Variants in INPP5B observed in about 807,000 individuals in gnomAD.
The protein encoded by INPP5B is type II inositol 1,4,5-trisphosphate 5-phosphatase.
A neutral mutation model predicts 118.5 loss-of-function variants in INPP5B; 90 were observed. The observed-to-expected ratio is 0.76, with a 90% CI of 0.64 to 0.90. The LOEUF (loss-of-function observed/expected upper bound fraction) is 0.90, where lower values mean the gene tolerates loss of function less well. Ranked by LOEUF, INPP5B falls within the 40% of genes least tolerant of loss-of-function variation. INPP5B has a pLI of 0.00. For synonymous variants in INPP5B, 385 were observed against 418.9 expected, an observed-to-expected ratio of 0.92 and a Z score of 0.99; for missense variants, 984 against 1,125.6, an observed-to-expected ratio of 0.87 and a Z score of 1.80.
intron 7 of INPP5B, among the ~76,000 whole-genome samples, chr1:37,909,687 T>C (rs1644621367): frequency 6.6e-6 from 1 of 152,140 alleles, no homozygotes; most frequent in South Asian, 2.1e-4. Flanking sequence ...ACACATTTTA[T>C]TACCCAACCC....
chr1:37,872,921 AT>A lies in INPP5B; in HGVS notation c.2187+8del. 6.2e-7 allele frequency: 1 copy of A among 1,600,630 alleles called. No individual in the cohort carries two copies. The highest frequency in any genetic ancestry group is 8.6e-7 in the Non-Finnish European group (1 of 1,168,098). On this transcript the variant is annotated splice_region_variant and intron_variant, in intron 19 of 23. Coordinates refer to ENST00000373024, the MANE Select transcript of INPP5B (RefSeq NM_005540.3). The stretch of plus-strand genomic sequence containing the variant: ...AGTTCTAGATGTTTCTTTGTGGCAT[AT>A]TACTCACCAGCTCACTAATGGTTTC...
At chr1:37,895,203 C>A (rs1380481185) in intron 7 of INPP5B, among the ~76,000 whole-genome samples, 32 of 152,168 alleles carry the variant, frequency 2.1e-4, no homozygotes. Context: ...TGCAGAGGAG[C>A]CATGACTCTC....
chr1:37,925,359 A>C (rs1315439577), intron 7 of INPP5B, among the ~76,000 whole-genome samples: 3 of 152,156 alleles, frequency 2.0e-5, no homozygotes, highest in Non-Finnish European at 4.4e-5. Flanking sequence ...TGCTAGCTTC[A>C]GTTCATGTAT....
chr1:37,910,173 C>T (rs993697029), intron 7 of INPP5B, among the ~76,000 whole-genome samples: 2 of 152,196 alleles, frequency 1.3e-5, no homozygotes, highest in Non-Finnish European at 2.9e-5. Context: ...ATCACAGATG[C>T]TCTGGATAAC....
intron 7 of INPP5B, among the ~76,000 whole-genome samples, chr1:37,911,945 C>A (rs1425192760): frequency 6.6e-6 from 1 of 152,178 alleles, no homozygotes; most frequent in African/African-American, 2.4e-5. Flanking sequence ...GTACTTTGCC[C>A]TTCTCAGAAT....
rs77944515 is a variant in INPP5B at position 37,894,609 on chromosome 1, T to C, written c.533-3155A>G. On this transcript the variant is annotated intron_variant, in intron 7 of 23. Transcript: ENST00000373024. ...CAGGGTCTCGCTCTGTTGCCCAGGCTGGAGTGCAGTGGCGCAAGCTTGGCT... is the reference window on the plus strand; with the variant it reads ...CAGGGTCTCGCTCTGTTGCCCAGGCCGGAGTGCAGTGGCGCAAGCTTGGCT... Among the ~76,000 whole-genome samples the C allele has an allele frequency of 5.0e-3, 763 of 151,478 alleles. 5 individuals are homozygous for C. The highest frequency in any genetic ancestry group is 0.018 in the African/African-American group (724 of 41,184).
At chr1:37,874,372 T>C (rs1023300691) in intron 17 of INPP5B, among the ~76,000 whole-genome samples, 6 of 152,248 alleles carry the variant, frequency 3.9e-5, no homozygotes, top group Admixed American at 6.5e-5. Flanking sequence ...TTTGTATGTC[T>C]ACTTCCTGAA....
At chr1:37,894,761 A>G (rs1643961651) in intron 7 of INPP5B, among the ~76,000 whole-genome samples, 1 of 152,058 alleles carries the variant, frequency 6.6e-6, no homozygotes, top group Non-Finnish European at 1.5e-5. Context: ...GGGTTTTGCC[A>G]TGTTGGCCAG....
chr1:37,920,664 C>CA lies in INPP5B; in HGVS notation c.532+11248dup, dbSNP rs34604031. Among the ~76,000 whole-genome samples the CA allele has an allele frequency of 1.4e-3, 164 of 116,318 alleles. 1 individual carries two copies. Among genetic ancestry groups the CA allele is most frequent in the African/African-American group, 3.4e-3 (117 of 34,552 alleles). The allele number at this position is 116,318 out of a possible 152,430, so 76.3% of individuals were successfully genotyped here. A position where few individuals can be genotyped will look rare whatever the true frequency, so the allele number is the denominator to read the frequency against. ...TGGGCGACAGAGTGAGACTCTGTCT[C>CA]AAAAAAAAAAAAGAAGAAGAAGAAC... On this transcript the variant is annotated intron_variant, in intron 7 of 23. Coordinates refer to ENST00000373024, the MANE Select transcript of INPP5B (RefSeq NM_005540.3).
chr1:37,863,901 G>A (rs1174543131), intron 23 of INPP5B, among the ~76,000 whole-genome samples: 3 of 148,704 alleles, frequency 2.0e-5, no homozygotes, highest in South Asian at 2.2e-4. Context: ...TGCAGCCTCC[G>A]CCTCCCAGTT....
intron 15 of INPP5B, 102 bp downstream of exon 15, chr1:37,879,983 T>A (rs561281015): frequency 3.2e-6 from 2 of 630,928 alleles, no homozygotes; most frequent in East Asian, 5.4e-5. Flanking sequence ...AGGGAAAAAG[T>A]CACAGGAAGC....
At chr1:37,866,593 C>T in intron 20 of INPP5B, 50 bp from the exon 21 acceptor site, 17 of 1,121,904 alleles carry the variant, frequency 1.5e-5, no homozygotes, top group Non-Finnish European at 2.0e-5. Context: ...AGAAAATCAT[C>T]AATGATTTCC....
At chr1:37,936,192 T>TCTCTCCACA (rs1278403417) in intron 6 of INPP5B, among the ~76,000 whole-genome samples, 4 of 152,104 alleles carry the variant, frequency 2.6e-5, no homozygotes, top group Non-Finnish European at 4.4e-5. Flanking sequence ...CTGGCTCAGC[T>TCTCTCCACA]CTCTCCACAC....
At chr1:37,944,630 T>C (rs899685928) in intron 3 of INPP5B, among the ~76,000 whole-genome samples, 1 of 151,472 alleles carries the variant, frequency 6.6e-6, no homozygotes, top group Non-Finnish European at 1.5e-5. Context: ...GGTCTTGCTG[T>C]GTTGCCCAGG....
intron 7 of INPP5B, among the ~76,000 whole-genome samples, chr1:37,903,861 C>T (rs961272261): frequency 1.3e-5 from 2 of 151,916 alleles, no homozygotes; most frequent in Admixed American, 6.6e-5. Context: ...TTATACTTGA[C>T]GGAGCAAGAT....
intron 7 of INPP5B, among the ~76,000 whole-genome samples, chr1:37,912,949 TAA>T (rs35906062): frequency 3.7e-3 from 537 of 143,398 alleles, no homozygotes; most frequent in Middle Eastern, 7.2e-3. Context: ...TACTCACTGC[TAA>T]AAAAAAAAAA....
chr1:37,865,702 G>C, intron 22 of INPP5B, 59 bp downstream of exon 22: 2 of 1,589,170 alleles, frequency 1.3e-6, no homozygotes, highest in Non-Finnish European at 1.7e-6. Flanking sequence ...TGTCCACTCT[G>C]TTCCCTTAGC....
intron 7 of INPP5B, among the ~76,000 whole-genome samples, chr1:37,918,080 G>A (rs181460937): frequency 1.6e-4 from 24 of 152,122 alleles, no homozygotes; most frequent in East Asian, 7.7e-4. Flanking sequence ...TCTTGCCATC[G>A]GCTCACCTCT....
chr1:37,871,593 C>A (rs1223423165), intron 19 of INPP5B, among the ~76,000 whole-genome samples: 2 of 151,802 alleles, frequency 1.3e-5, no homozygotes, highest in African/African-American at 4.8e-5. Context: ...CATGGTGAAA[C>A]TCCCTCTCTA....
Sources: gnomAD v4.1 joint callset for allele counts (sites outside exome capture counted in the v4.1 genomes callset) on GRCh38, gnomAD v4.1.1 for gene constraint, MANE v1.5 for transcripts, NCBI Gene and HGNC (gene_info 2026-07-23, HGNC 2026-07-21) for gene names.